Variants in FAM184A observed in about 807,000 individuals in gnomAD.
The protein encoded by FAM184A is family with sequence similarity 184 member A.
In FAM184A, 99 loss-of-function variants were observed where a neutral mutation model predicts 143.8. The observed-to-expected ratio is 0.69, with a 90% CI of 0.58 to 0.81. The LOEUF (loss-of-function observed/expected upper bound fraction) is 0.81. Ranked by LOEUF, FAM184A falls within the 40% of genes least tolerant of loss-of-function variation. The probability of loss-of-function intolerance (pLI) is 0.00; values close to 1 mark genes in which losing one functional copy is unlikely to be tolerated. For synonymous variants in FAM184A, 427 were observed against 446.4 expected (o/e 0.96, Z 0.55); for missense variants, 1,217 against 1,310.5 (o/e 0.93, Z 1.10).
chr6:118,989,801 C>CATTTATTTATTTATTTATTTATTT (rs149164113), intron 9 of FAM184A, among the ~76,000 whole-genome samples: 1 of 144,810 alleles, frequency 6.9e-6, no homozygotes, highest in Non-Finnish European at 1.5e-5. Flanking sequence ...AGTATTTTTA[C>CATTTATTTATTTATTTATTTATTT]ATTTATTTAT....
intron 1 of FAM184A, among the ~76,000 whole-genome samples, chr6:119,133,549 G>T (rs908949801): frequency 6.6e-6 from 1 of 152,076 alleles, no homozygotes; most frequent in Non-Finnish European, 1.5e-5. Flanking sequence ...TTTGTAGTTG[G>T]CCTGACTTGC....
At chr6:118,995,370 G>A (rs1784514648) in intron 9 of FAM184A, among the ~76,000 whole-genome samples, 1 of 152,200 alleles carries the variant, frequency 6.6e-6, no homozygotes, top group African/African-American at 2.4e-5. Context: ...AGTGAGCCAT[G>A]ATTGTGCCAC....
At chr6:119,016,601 G>T (rs1191252708) in intron 5 of FAM184A, 146 bp downstream of exon 5, 3 of 655,388 alleles carry the variant, frequency 4.6e-6, no homozygotes, top group Admixed American at 2.6e-5. Context: ...CTCCAGACGC[G>T]CCACCTTAAG....
chr6:118,963,896 C>A (rs1783411369), intron 16 of FAM184A: 1 of 151,988 alleles, frequency 6.6e-6, no homozygotes, highest in Admixed American at 6.6e-5. Context: ...ACCTACTATA[C>A]CCAAAACATG....
chr6:119,015,252 T>A (rs1349405352), intron 5 of FAM184A, among the ~76,000 whole-genome samples: 1 of 152,096 alleles, frequency 6.6e-6, no homozygotes, highest in Non-Finnish European at 1.5e-5. Flanking sequence ...GGCCTGCCGC[T>A]GCACTGCGGG....
intron 1 of FAM184A, among the ~76,000 whole-genome samples, chr6:119,071,368 T>C (rs529490311): frequency 6.6e-6 from 1 of 152,304 alleles, no homozygotes; most frequent in Admixed American, 6.5e-5. Context: ...TCACACCAAG[T>C]ATGGCAGTCT....
intron 9 of FAM184A, among the ~76,000 whole-genome samples, chr6:118,987,611 C>G (rs1257628777): frequency 6.6e-6 from 1 of 152,110 alleles, no homozygotes; most frequent in Non-Finnish European, 1.5e-5. Context: ...ATAATTATAA[C>G]ATTACAATGT....
In FAM184A at chr6:118,964,664, T is replaced by C. The variant is rs755422251; in HGVS notation, c.3138+3A>G. ...CCTATTCTACAGTGTTTACGGCACA[T>C]ACCTTAGCCAATGGATTAATAACAC... On this transcript the variant is annotated splice_donor_region_variant and intron_variant, in intron 16 of 17. Coordinates refer to ENST00000338891, the MANE Select transcript of FAM184A (RefSeq NM_024581.6). 2.6e-6 allele frequency: 4 copies of C among 1,541,804 alleles called. No individual in the cohort carries two copies. The highest frequency in any genetic ancestry group is 2.7e-5 in the African/African-American group (2 of 73,188).
intron 15 of FAM184A, among the ~76,000 whole-genome samples, chr6:118,966,241 C>T (rs987636359): frequency 6.6e-5 from 10 of 152,128 alleles, no homozygotes; most frequent in East Asian, 3.8e-4. Context: ...TTGTTAAATC[C>T]GTATTTTCTT....
chr6:119,068,068 GA>G (rs1228733834), intron 1 of FAM184A, among the ~76,000 whole-genome samples: 11 of 114,042 alleles, frequency 9.6e-5, no homozygotes, highest in Non-Finnish European at 1.7e-4. Context: ...TTTTTTTTGA[GA>G]TGGAGTTTCA....
At chr6:119,056,978 G>T (rs1331584377) in intron 1 of FAM184A, among the ~76,000 whole-genome samples, 2 of 152,136 alleles carry the variant, frequency 1.3e-5, no homozygotes, top group Non-Finnish European at 2.9e-5. Flanking sequence ...GTATGTTTAA[G>T]AATTAACCCA....
At chr6:119,021,183 GT>G (rs1214581221) in intron 3 of FAM184A, among the ~76,000 whole-genome samples, 3 of 152,132 alleles carry the variant, frequency 2.0e-5, no homozygotes, top group Non-Finnish European at 4.4e-5. Flanking sequence ...TCACTCCAAT[GT>G]GCACTAAAGG....
At chr6:119,065,167 G>A (rs1450432285) in intron 1 of FAM184A, among the ~76,000 whole-genome samples, 4 of 152,162 alleles carry the variant, frequency 2.6e-5, no homozygotes, top group Non-Finnish European at 5.9e-5. Context: ...CAGCAAAGAT[G>A]ATGACATGTC....
intron 1 of FAM184A, among the ~76,000 whole-genome samples, chr6:119,131,624 C>T (rs1300012388): frequency 6.6e-6 from 1 of 152,046 alleles, no homozygotes; most frequent in Non-Finnish European, 1.5e-5. Flanking sequence ...TAGCTGGGCA[C>T]ACAGGTATGT....
intron 1 of FAM184A, among the ~76,000 whole-genome samples, chr6:119,131,873 A>G (rs1046233372): frequency 6.6e-6 from 1 of 152,232 alleles, no homozygotes; most frequent in East Asian, 1.9e-4. Flanking sequence ...ACAGGAAGAC[A>G]GTGGAGTATT....
At chr6:119,089,715 AAAATAAGCCT>A (rs1788321491) in intron 1 of FAM184A, among the ~76,000 whole-genome samples, 1 of 152,232 alleles carries the variant, frequency 6.6e-6, no homozygotes, top group Non-Finnish European at 1.5e-5. Context: ...CATGGTACAC[AAAATAAGCCT>A]AAATAAGGTG....
chr6:119,019,970 C>G lies in FAM184A; in HGVS notation c.1332+8G>C. 1.9e-6 allele frequency: 3 copies of G among 1,543,448 alleles called. 1 individual carries two copies. In the South Asian group the frequency reaches 3.8e-5, roughly 20 times the overall value. ...TTCGGGGGGAATGGAGTGTCCATTACTTTTTACCTTCTCCAGTTCTAGAAT... is the reference window on the plus strand; with the variant it reads ...TTCGGGGGGAATGGAGTGTCCATTAGTTTTTACCTTCTCCAGTTCTAGAAT... On this transcript the variant is annotated splice_region_variant and intron_variant, in intron 4 of 17. Transcript: ENST00000338891.
At chr6:118,960,395 TAAG>T in intron 17 of FAM184A, among the ~76,000 whole-genome samples, 1 of 152,310 alleles carries the variant, frequency 6.6e-6, no homozygotes, top group South Asian at 2.1e-4. Flanking sequence ...TGAAGTCAGT[TAAG>T]GAGGAGCCAC....
At chr6:119,139,961 A>T (rs1037851925) in intron 1 of FAM184A, among the ~76,000 whole-genome samples, 1 of 152,128 alleles carries the variant, frequency 6.6e-6, no homozygotes, top group Non-Finnish European at 1.5e-5. Flanking sequence ...ATCTGTGCTC[A>T]CTCCCCAGCT....
Sources: gnomAD v4.1 joint callset for allele counts (sites outside exome capture counted in the v4.1 genomes callset) on GRCh38, gnomAD v4.1.1 for gene constraint, MANE v1.5 for transcripts, NCBI Gene and HGNC (gene_info 2026-07-23, HGNC 2026-07-21) for gene names.